Variants in PLXNA4 observed in about 807,000 individuals in gnomAD.
PLXNA4 encodes the protein plexin A4.
In PLXNA4, 44 loss-of-function variants were observed where a neutral mutation model predicts 191.8. The ratio of observed to expected loss-of-function variants is 0.23; its 90% CI spans 0.18 to 0.29. The LOEUF (loss-of-function observed/expected upper bound fraction) is 0.29. Ranked by LOEUF, PLXNA4 falls within the 10% of genes least tolerant of loss-of-function variation. The pLI, the probability that PLXNA4 is intolerant of heterozygous loss-of-function variation, is 1.00. For synonymous variants in PLXNA4, 1,082 were observed against 1,009.5 expected, an observed-to-expected ratio of 1.07 and a Z score of -1.36; for missense variants, 1,800 against 2,488.8, an observed-to-expected ratio of 0.72 and a Z score of 5.89.
intron 10 of PLXNA4, among the ~76,000 whole-genome samples, chr7:132,205,872 A>G (rs1343483229): frequency 6.6e-6 from 1 of 152,220 alleles, no homozygotes; most frequent in Non-Finnish European, 1.5e-5. Context: ...TCAAAAATCA[A>G]TAAATCCTCA....
At chr7:132,131,210 C>T (rs1206839421) in intron 31 of PLXNA4, among the ~76,000 whole-genome samples, 1 of 152,164 alleles carries the variant, frequency 6.6e-6, no homozygotes, top group Non-Finnish European at 1.5e-5. Flanking sequence ...AGGACAATGA[C>T]AGCCAGCAAA....
At chr7:132,132,373 ATTCTAT>A (rs1172162298) in intron 31 of PLXNA4, among the ~76,000 whole-genome samples, 21 of 133,786 alleles carry the variant, frequency 1.6e-4, no homozygotes, top group Non-Finnish European at 3.2e-4. Context: ...CAGAAAACAC[ATTCTAT>A]TTGTTCTGTT....
intron 6 of PLXNA4, 137 bp downstream of exon 6, chr7:132,228,209 G>A (rs1381140126): frequency 5.3e-6 from 6 of 1,125,622 alleles, no homozygotes; most frequent in African/African-American, 1.6e-5. Flanking sequence ...TTGATATCCT[G>A]CACCCTTCTC....
intron 1 of PLXNA4, among the ~76,000 whole-genome samples, chr7:132,572,960 C>T (rs771901768): frequency 5.9e-5 from 9 of 152,260 alleles, no homozygotes; most frequent in Non-Finnish European, 1.0e-4. Flanking sequence ...ATATAAATAA[C>T]ACTTAATCAT....
intron 2 of PLXNA4, among the ~76,000 whole-genome samples, chr7:132,496,178 G>A (rs1323128569): frequency 6.6e-6 from 1 of 152,198 alleles, no homozygotes; most frequent in East Asian, 1.9e-4. Context: ...TCACGTCCAA[G>A]TTCTCTGGCT....
At chr7:132,217,030 C>T (rs1180741254) in intron 9 of PLXNA4, among the ~76,000 whole-genome samples, 3 of 152,312 alleles carry the variant, frequency 2.0e-5, no homozygotes, top group Middle Eastern at 3.4e-3. Flanking sequence ...TCTAAGAATG[C>T]AGGGGGGTGA....
chr7:132,140,133 TCAGA>T (rs1290991488), intron 30 of PLXNA4, among the ~76,000 whole-genome samples: 3 of 152,168 alleles, frequency 2.0e-5, no homozygotes, highest in African/African-American at 7.2e-5. Context: ...GAGAAACTGT[TCAGA>T]CAGTGACAAA....
At chr7:132,140,312 C>T (rs1344321129) in intron 30 of PLXNA4, among the ~76,000 whole-genome samples, 3 of 151,752 alleles carry the variant, frequency 2.0e-5, no homozygotes, top group African/African-American at 4.8e-5. Flanking sequence ...AGCTGGGAGC[C>T]GCATCTCCTT....
At chr7:132,136,927 G>A (rs570207710) in intron 30 of PLXNA4, among the ~76,000 whole-genome samples, 1 of 152,066 alleles carries the variant, frequency 6.6e-6, no homozygotes, top group Non-Finnish European at 1.5e-5. Flanking sequence ...CCAGCAGAAC[G>A]AGGCCCCACA....
At chr7:132,393,641 C>T (rs146052057) in intron 3 of PLXNA4, among the ~76,000 whole-genome samples, 91 of 152,290 alleles carry the variant, frequency 6.0e-4, no homozygotes, top group Non-Finnish European at 1.2e-3. Flanking sequence ...GACATAGTCC[C>T]GGCTCTCTAG....
chr7:132,420,270 C>T (rs1017247838), intron 3 of PLXNA4, among the ~76,000 whole-genome samples: 4 of 152,232 alleles, frequency 2.6e-5, no homozygotes, highest in East Asian at 1.9e-4. Flanking sequence ...TTGTATCACA[C>T]GTTTCTCACT....
intron 3 of PLXNA4, among the ~76,000 whole-genome samples, chr7:132,407,179 A>G (rs1163861005): frequency 3.3e-5 from 5 of 152,220 alleles, no homozygotes; most frequent in Non-Finnish European, 5.9e-5. Context: ...GCAGGAGCTC[A>G]TTATCTCAGC....
At position 132,191,772 on chromosome 7, in the gene PLXNA4, A is replaced by ATCTC. The variant is rs145828587; in HGVS notation, c.2856+2286_2856+2289dup. Among the ~76,000 whole-genome samples the ATCTC allele has an allele frequency of 1.4e-3, 206 of 142,742 alleles. 1 individual carries two copies. The highest frequency in any genetic ancestry group is 4.0e-3 in the African/African-American group (149 of 37,396). The allele number at this position is 142,742 out of a possible 152,430, so 93.6% of individuals were successfully genotyped here. ...GGCGAATGTCATCCCTCCTCTCTCC[A>ATCTC]TCTCTCTCTCTCTCTCTCTCTCTGT... On this transcript the variant is annotated intron_variant, in intron 14 of 31. Transcript: ENST00000321063.
chr7:132,214,381 T>C (rs1797899420), intron 9 of PLXNA4, among the ~76,000 whole-genome samples: 1 of 152,162 alleles, frequency 6.6e-6, no homozygotes, highest in South Asian at 2.1e-4. Context: ...GGTTGGCAGC[T>C]CTGAGAGTAA....
chr7:132,175,543 C>G (rs1188337600), intron 20 of PLXNA4, among the ~76,000 whole-genome samples: 1 of 152,184 alleles, frequency 6.6e-6, no homozygotes, highest in Non-Finnish European at 1.5e-5. Flanking sequence ...CAAGGTGATG[C>G]TACTTGATGG....
intron 14 of PLXNA4, among the ~76,000 whole-genome samples, chr7:132,193,191 T>C (rs1043064167): frequency 1.3e-5 from 2 of 152,192 alleles, no homozygotes; most frequent in Non-Finnish European, 2.9e-5. Context: ...AATGTTACTA[T>C]CATAGGAAGA....
At chr7:132,575,718 C>T (rs1802193553) in intron 1 of PLXNA4, among the ~76,000 whole-genome samples, 2 of 152,320 alleles carry the variant, frequency 1.3e-5, no homozygotes, top group South Asian at 2.1e-4. Flanking sequence ...GCAACATACG[C>T]GGCGATGCTT....
At chr7:132,622,968 T>C (rs1288929454) in intron 2 of PLXNA4, among the ~76,000 whole-genome samples, 2 of 152,192 alleles carry the variant, frequency 1.3e-5, no homozygotes, top group Non-Finnish European at 2.9e-5. Flanking sequence ...AAGCTATTTG[T>C]GCAGGCTATT....
intron 3 of PLXNA4, among the ~76,000 whole-genome samples, chr7:132,438,145 C>T (rs571228991): frequency 2.1e-4 from 32 of 152,254 alleles, no homozygotes; most frequent in African/African-American, 7.2e-4. Context: ...GGTTTGCACG[C>T]AGCATGCCAA....
Sources: gnomAD v4.1 joint callset for allele counts (sites outside exome capture counted in the v4.1 genomes callset) on GRCh38, gnomAD v4.1.1 for gene constraint, MANE v1.5 for transcripts, NCBI Gene and HGNC (gene_info 2026-07-23, HGNC 2026-07-21) for gene names.